The following ARFGEF3 variants were observed in gnomAD, a reference collection of about 807,000 sequenced individuals.
ARFGEF3 encodes brefeldin A-inhibited guanine nucleotide-exchange protein 3.
Under a neutral mutation model 221.7 loss-of-function variants are expected in ARFGEF3, and 96 were observed. The observed-to-expected ratio is 0.43, with a 90% CI of 0.37 to 0.51. ARFGEF3 has a LOEUF of 0.51. ARFGEF3 is among the 20% of genes least tolerant of loss of function. The probability of loss-of-function intolerance (pLI) is 0.00; values close to 1 mark genes in which losing one functional copy is unlikely to be tolerated. For synonymous variants in ARFGEF3, 1,145 were observed against 1,126.8 expected (o/e 1.02, Z -0.32); for missense variants, 2,410 against 2,789.9 (o/e 0.86, Z 3.07).
At position 138,323,898 on chromosome 6, in the gene ARFGEF3, G is replaced by C. The variant is rs372014134; in HGVS notation, c.4869+125G>C. 138 of 1,538,930 alleles carry C rather than the reference G, an allele frequency of 9.0e-5. 1 individual carries two copies. The African/African-American group carries it at 1.5e-3, about 17-fold the overall frequency. On this transcript the variant is annotated intron_variant, in intron 30 of 33. Coordinates refer to ENST00000251691, the MANE Select transcript of ARFGEF3 (RefSeq NM_020340.5). ...AGGCAGTCTCACTTTAGATCTTGCA[G>C]AGAGTGAGAAAGAAGTTGCTGGGTC...
chr6:138,283,818 C>T lies in ARFGEF3; in HGVS notation c.2462-2128C>T, dbSNP rs192548706. 6.6e-5 allele frequency among the ~76,000 whole-genome samples: 10 copies of T among 152,302 alleles called. 1 individual carries two copies. Among genetic ancestry groups the T allele is most frequent in the African/African-American group, 1.7e-4 (7 of 41,560 alleles). On this transcript the variant is annotated intron_variant, in intron 14 of 33. Transcript: ENST00000251691. ...AATATCATTAGGCCATTTGACCAGA[C>T]GTCAAATTAATTTCAGAGAAACCAG...
chr6:138,210,757 C>T (rs1777710732), intron 4 of ARFGEF3, among the ~76,000 whole-genome samples: 1 of 152,124 alleles, frequency 6.6e-6, no homozygotes, highest in Non-Finnish European at 1.5e-5. Flanking sequence ...TGTCCTTTTC[C>T]TCTCTCGGGG....
At position 138,317,253 on chromosome 6, in the gene ARFGEF3, C is replaced by T. The variant is rs1234269143; in HGVS notation, c.4348C>T (p.Leu1450=). 1 of 1,612,576 alleles carries T rather than the reference C, an allele frequency of 6.2e-7. No individual in the cohort carries two copies. Among genetic ancestry groups the T allele is most frequent in the East Asian group, 2.2e-5 (1 of 44,886 alleles). ...VLSDFDDDTG[L]IEVWIILLEQ... is the part of the protein sequence containing the mutation. ...CAGGTCTGCTTTTTGGTTTCCAGGT[C>T]TGATAGAAGTCTGGATAATCCTGCT... The change falls in exon 27 of 34, where the codon CTG becomes TTG. Residue 1450 remains leucine, a splice_region_variant and synonymous_variant. Transcript: ENST00000251691.
At position 138,299,228 on chromosome 6, in the gene ARFGEF3, A is replaced by T. The variant is rs569340616; in HGVS notation, c.3828+443A>T. Among the ~76,000 whole-genome samples, 8 of 148,378 alleles carry T rather than the reference A, an allele frequency of 5.4e-5. No individual in the cohort carries two copies. In the South Asian group the frequency reaches 1.8e-3, roughly 33 times the overall value. On this transcript the variant is annotated intron_variant, in intron 22 of 33. Coordinates refer to ENST00000251691, the MANE Select transcript of ARFGEF3 (RefSeq NM_020340.5). Reference sequence around the variant, plus strand: ...AAAAAAAAAAAAAAAAAAAAAACAGAAAAGTTAAGCAATTTGACTAGACAC... The same window carrying T: ...AAAAAAAAAAAAAAAAAAAAAACAGTAAAGTTAAGCAATTTGACTAGACAC...
intron 19 of ARFGEF3, 100 bp downstream of exon 19, chr6:138,292,153 C>T (rs909014650): frequency 2.0e-6 from 2 of 999,924 alleles, no homozygotes; most frequent in African/African-American, 3.4e-5. Context: ...ATTTGTTAGC[C>T]AATCACTTAA....
chr6:138,283,489 G>A (rs993748990), intron 14 of ARFGEF3, among the ~76,000 whole-genome samples: 1 of 152,142 alleles, frequency 6.6e-6, no homozygotes, highest in Non-Finnish European at 1.5e-5. Flanking sequence ...AACAAAATAA[G>A]GATCTATGAT....
chr6:138,245,644 T>C, intron 8 of ARFGEF3, 53 bp downstream of exon 8: 2 of 1,329,672 alleles, frequency 1.5e-6, no homozygotes, highest in Non-Finnish European at 1.1e-6. Context: ...ACTTCTGAAA[T>C]AACCTTTGTC....
At chr6:138,167,685 C>T (rs1776748390) in intron 1 of ARFGEF3, among the ~76,000 whole-genome samples, 2 of 152,210 alleles carry the variant, frequency 1.3e-5, no homozygotes, top group South Asian at 4.1e-4. Flanking sequence ...CCTCTGTTGC[C>T]AGCTCTCCAG....
chr6:138,301,995 A>G lies in ARFGEF3; in HGVS notation c.3828+3210A>G, dbSNP rs184925878. 6.7e-4 allele frequency among the ~76,000 whole-genome samples: 102 copies of G among 151,544 alleles called. 1 individual carries two copies. The highest frequency in any genetic ancestry group is 2.1e-3 in the African/African-American group (87 of 40,918). Reference sequence around the variant, plus strand: ...ATTCCAAGCACCTTAGTCTGGGGGGAAAAAAACCCTCAAAAATAAATTAGA... The same window carrying G: ...ATTCCAAGCACCTTAGTCTGGGGGGGAAAAAACCCTCAAAAATAAATTAGA... On this transcript the variant is annotated intron_variant, in intron 22 of 33. Transcript: ENST00000251691.
intron 2 of ARFGEF3, among the ~76,000 whole-genome samples, chr6:138,205,424 A>AT (rs1468719507): frequency 3.3e-5 from 5 of 152,166 alleles, no homozygotes; most frequent in African/African-American, 9.7e-5. Flanking sequence ...GGGTTTACAG[A>AT]TGAAGTTCTG....
At position 138,170,732 on chromosome 6, in the gene ARFGEF3, A is replaced by G. The variant is rs763686485; in HGVS notation, c.137+19A>G. 1.9e-5 allele frequency: 27 copies of G among 1,453,798 alleles called. No individual in the cohort carries two copies. In the East Asian group the frequency reaches 3.9e-4, roughly 21 times the overall value. 90.1% of individuals were successfully genotyped at this position (1,453,798 alleles called of 1,614,324 possible). On this transcript the variant is annotated intron_variant, in intron 2 of 33. Transcript: ENST00000251691. ...TACTGAGGTAGGAGATGGACATTGTATAATATCACAGAAGTCAATATTACC... is the reference window on the plus strand; with the variant it reads ...TACTGAGGTAGGAGATGGACATTGTGTAATATCACAGAAGTCAATATTACC...
chr6:138,285,564 T>A (rs1779271550), intron 14 of ARFGEF3, among the ~76,000 whole-genome samples: 2 of 152,214 alleles, frequency 1.3e-5, no homozygotes, highest in South Asian at 4.1e-4. Flanking sequence ...GTAAGGAAGC[T>A]CTGAAACTAA....
chr6:138,308,938 C>T, intron 24 of ARFGEF3, 77 bp downstream of exon 24: 1 of 1,553,418 alleles, frequency 6.4e-7, no homozygotes, highest in Non-Finnish European at 8.9e-7. Flanking sequence ...GGAGACAGGG[C>T]CTACTGACTG....
chr6:138,267,373 C>T lies in ARFGEF3; in HGVS notation c.2128+3762C>T, dbSNP rs1462458681. Among the ~76,000 whole-genome samples, 11 of 151,982 alleles carry T rather than the reference C, an allele frequency of 7.2e-5. No individual in the cohort carries two copies. In the East Asian group the frequency reaches 1.7e-3, roughly 24 times the overall value. On this transcript the variant is annotated intron_variant, in intron 12 of 33. Coordinates refer to ENST00000251691, the MANE Select transcript of ARFGEF3 (RefSeq NM_020340.5). ...CCAGGAGGCGGAGGTTGCAGTGAGCCGAGATTGCACCACTGCACTCCAGCC... is the reference window on the plus strand; with the variant it reads ...CCAGGAGGCGGAGGTTGCAGTGAGCTGAGATTGCACCACTGCACTCCAGCC...
chr6:138,210,548 G>C (rs1285823888), intron 4 of ARFGEF3, among the ~76,000 whole-genome samples: 2 of 151,538 alleles, frequency 1.3e-5, no homozygotes, highest in Non-Finnish European at 1.5e-5. Context: ...CTTCCTTTTA[G>C]GGATAGCATC....
intron 12 of ARFGEF3, among the ~76,000 whole-genome samples, chr6:138,266,773 C>T (rs553777256): frequency 3.5e-5 from 5 of 143,630 alleles, no homozygotes; most frequent in South Asian, 2.3e-4. Context: ...GGTGTGAACC[C>T]GGGAGGCAGA....
At chr6:138,211,437 C>T (rs1777725781) in intron 4 of ARFGEF3, among the ~76,000 whole-genome samples, 1 of 152,188 alleles carries the variant, frequency 6.6e-6, no homozygotes, top group African/African-American at 2.4e-5. Flanking sequence ...GCTGTGCATT[C>T]TTAGGAACCA....
At chr6:138,187,738 CAG>C (rs1777214465) in intron 2 of ARFGEF3, among the ~76,000 whole-genome samples, 2 of 152,306 alleles carry the variant, frequency 1.3e-5, no homozygotes, top group African/African-American at 4.8e-5. Context: ...CAGGCTGGGA[CAG>C]AGAGTGCCTT....
At chr6:138,171,747 G>A (rs1200852746) in intron 2 of ARFGEF3, among the ~76,000 whole-genome samples, 1 of 151,578 alleles carries the variant, frequency 6.6e-6, no homozygotes, top group Admixed American at 6.6e-5. Context: ...TTTTATTCAC[G>A]ACTTTGTTGC....
Sources: allele counts gnomAD v4.1 joint callset (sites outside exome capture counted in the v4.1 genomes callset), GRCh38; gene constraint gnomAD v4.1.1; transcripts MANE v1.5; gene names NCBI Gene and HGNC (gene_info 2026-07-23, HGNC 2026-07-21).